Variants in MTUS2 observed in about 807,000 individuals in gnomAD.
MTUS2 encodes microtubule-associated tumor suppressor candidate 2.
MTUS2 carries 40 observed loss-of-function variants against 114.1 expected under a neutral mutation model. The ratio of observed to expected loss-of-function variants is 0.35; its 90% CI spans 0.27 to 0.46. MTUS2 has a LOEUF of 0.46. Among genes scored for constraint, MTUS2 ranks in the 20% least tolerant of loss-of-function variants. The pLI is 1.00. For missense variants in MTUS2, 1,679 were observed against 1,705.4 expected (o/e 0.98, Z 0.27); for synonymous variants, 688 against 672.0 (o/e 1.02, Z -0.37).
At chr13:29,082,718 G>A (rs1445810521) in intron 4 of MTUS2, among the ~76,000 whole-genome samples, 1 of 152,120 alleles carries the variant, frequency 6.6e-6, no homozygotes, top group Non-Finnish European at 1.5e-5. Context: ...GGAGGGTCAC[G>A]GGTTCAGAGA....
chr13:29,389,269 A>ATATATGTATACACATGTGTG lies in MTUS2; in HGVS notation c.3117+29799_3117+29800insATGTATACACATGTGTGTAT, dbSNP rs1566172085. On this transcript the variant is annotated intron_variant, in intron 8 of 15. Transcript: ENST00000612955. Reference sequence around the variant, plus strand: ...TATATATGTATACACATGTGTGTATATATGTATATATGTATACACATATGT... The same window carrying ATATATGTATACACATGTGTG: ...TATATATGTATACACATGTGTGTATATATATGTATACACATGTGTGTATGTATATATGTATACACATATGT... 3.3e-4 allele frequency among the ~76,000 whole-genome samples: 47 copies of ATATATGTATACACATGTGTG among 140,500 alleles called. 2 individuals carry two copies. Among genetic ancestry groups the ATATATGTATACACATGTGTG allele is most frequent in the African/African-American group, 1.5e-3 (47 of 31,496 alleles). The allele number at this position is 140,500 out of a possible 152,430, so 92.2% of individuals were successfully genotyped here. A position where few individuals can be genotyped will look rare whatever the true frequency, so the allele number is the denominator to read the frequency against.
chr13:29,174,436 T>C (rs1893687100), intron 5 of MTUS2, among the ~76,000 whole-genome samples: 1 of 152,160 alleles, frequency 6.6e-6, no homozygotes, highest in Non-Finnish European at 1.5e-5. Flanking sequence ...GTAGCTTGCA[T>C]GCTCTATTCA....
rs548780168 is a variant in MTUS2 at position 29,185,437 on chromosome 13, C to G, written c.2644+84467C>G. 2.0e-5 allele frequency among the ~76,000 whole-genome samples: 3 copies of G among 152,322 alleles called. No homozygotes were observed. In the South Asian group the frequency reaches 6.2e-4, roughly 32 times the overall value. ...TCTACACATTGTTGAAGAAGCTCAG[C>G]AAACTCCACATAGCATAAACTCAAA... On this transcript the variant is annotated intron_variant, in intron 5 of 15. Transcript: ENST00000612955.
At chr13:29,489,059 T>A (rs1047397534) in intron 11 of MTUS2, among the ~76,000 whole-genome samples, 1 of 152,080 alleles carries the variant, frequency 6.6e-6, no homozygotes, top group East Asian at 1.9e-4. Flanking sequence ...CTGAGGCAGG[T>A]GGATCACCTG....
intron 5 of MTUS2, among the ~76,000 whole-genome samples, chr13:29,204,928 G>T (rs1360475998): frequency 1.3e-5 from 2 of 152,240 alleles, no homozygotes; most frequent in African/African-American, 2.4e-5. Context: ...GCTGCAGTGG[G>T]GGCACTACCC....
chr13:29,194,140 C>T (rs1566058573), intron 5 of MTUS2, among the ~76,000 whole-genome samples: 1 of 150,510 alleles, frequency 6.6e-6, no homozygotes, highest in Admixed American at 6.6e-5. Flanking sequence ...CCATAAAAAC[C>T]CTAGAAGAAA....
chr13:28,889,126 T>C (rs918568927), intron 2 of MTUS2, among the ~76,000 whole-genome samples: 5 of 152,290 alleles, frequency 3.3e-5, no homozygotes, highest in Admixed American at 1.3e-4. Flanking sequence ...GTGATGATGG[T>C]GGTGACAGGT....
intron 8 of MTUS2, among the ~76,000 whole-genome samples, chr13:29,361,452 A>T (rs1213179022): frequency 6.6e-6 from 1 of 152,194 alleles, no homozygotes; most frequent in East Asian, 1.9e-4. Flanking sequence ...AAAACAGAAG[A>T]TAAAATGTTT....
chr13:29,433,415 C>A (rs1235686308), intron 8 of MTUS2, among the ~76,000 whole-genome samples: 3 of 152,140 alleles, frequency 2.0e-5, no homozygotes, highest in Non-Finnish European at 4.4e-5. Flanking sequence ...AGCAGAAAAG[C>A]AGATCATTAT....
At chr13:29,082,069 G>A (rs1218861434) in intron 4 of MTUS2, among the ~76,000 whole-genome samples, 3 of 152,174 alleles carry the variant, frequency 2.0e-5, no homozygotes, top group African/African-American at 7.2e-5. Context: ...GAGGCTTCAG[G>A]AAGCAATTAG....
intron 5 of MTUS2, among the ~76,000 whole-genome samples, chr13:29,229,613 T>C (rs1896245884): frequency 6.6e-6 from 1 of 152,194 alleles, no homozygotes; most frequent in Non-Finnish European, 1.5e-5. Flanking sequence ...TCTTTAAAAA[T>C]AAACTCACAA....
At chr13:29,255,453 C>T (rs1897259086) in intron 5 of MTUS2, among the ~76,000 whole-genome samples, 1 of 152,180 alleles carries the variant, frequency 6.6e-6, no homozygotes, top group South Asian at 2.1e-4. Context: ...ATTGGTTCTA[C>T]ATTTCCTTTG....
chr13:29,457,967 T>C (rs1271245932), intron 9 of MTUS2, among the ~76,000 whole-genome samples: 1 of 152,232 alleles, frequency 6.6e-6, no homozygotes, highest in Non-Finnish European at 1.5e-5. Context: ...TTAGCCAGGA[T>C]GGTCTTGATC....
chr13:29,127,760 G>T (rs149575763), intron 5 of MTUS2, among the ~76,000 whole-genome samples: 1 of 152,208 alleles, frequency 6.6e-6, no homozygotes, highest in South Asian at 2.1e-4. Flanking sequence ...CCTCTGATCC[G>T]ATAGCTGCTC....
chr13:29,128,953 AAGGATGACCCT>A (rs1891636540), intron 5 of MTUS2, among the ~76,000 whole-genome samples: 2 of 152,218 alleles, frequency 1.3e-5, no homozygotes, highest in Non-Finnish European at 2.9e-5. Context: ...TTGTGCATCA[AAGGATGACCCT>A]AGTTTAAAAG....
At chr13:29,256,453 G>T (rs1178565801) in intron 5 of MTUS2, among the ~76,000 whole-genome samples, 2 of 152,334 alleles carry the variant, frequency 1.3e-5, no homozygotes, top group East Asian at 3.9e-4. Context: ...CACAGAGAGG[G>T]GCGTGGGCTG....
At chr13:29,289,084 T>C (rs1436052905) in intron 6 of MTUS2, among the ~76,000 whole-genome samples, 1 of 152,260 alleles carries the variant, frequency 6.6e-6, no homozygotes, top group East Asian at 1.9e-4. Flanking sequence ...TTTCCTACCA[T>C]GTAACTGTAG....
chr13:29,302,631 G>T (rs1055803423), intron 6 of MTUS2, among the ~76,000 whole-genome samples: 1 of 152,230 alleles, frequency 6.6e-6, no homozygotes, highest in African/African-American at 2.4e-5. Flanking sequence ...AGTCAGCCCA[G>T]CACTGGGTTG....
chr13:29,147,748 G>A (rs1222274578), intron 5 of MTUS2, among the ~76,000 whole-genome samples: 1 of 152,154 alleles, frequency 6.6e-6, no homozygotes, highest in Non-Finnish European at 1.5e-5. Flanking sequence ...CTGCCTCCAT[G>A]TTGCTGCAAA....
Sources: allele counts gnomAD v4.1 joint callset (sites outside exome capture counted in the v4.1 genomes callset), GRCh38; gene constraint gnomAD v4.1.1; transcripts MANE v1.5; gene names NCBI Gene and HGNC (gene_info 2026-07-23, HGNC 2026-07-21).